Variants in DUXB observed in about 807,000 individuals in gnomAD.
The protein encoded by DUXB is double homeobox protein B.
DUXB carries 22 observed loss-of-function variants against 8.9 expected under a neutral mutation model. The observed-to-expected ratio is 2.46, with a 90% CI of 1.76 to 3.52. DUXB has a LOEUF of 3.52. Ranked by LOEUF, DUXB falls within the 30% of genes most tolerant of loss-of-function variation. DUXB has a pLI of 0.00. For missense variants in DUXB, 237 were observed against 108.7 expected, an observed-to-expected ratio of 2.18 and a Z score of -5.25; for synonymous variants, 84 against 37.6, an observed-to-expected ratio of 2.23 and a Z score of -4.52.
chr16:75,700,510 T>G (rs1959204012), intron 1 of DUXB, among the ~76,000 whole-genome samples: 1 of 151,732 alleles, frequency 6.6e-6, no homozygotes, highest in Non-Finnish European at 1.5e-5. Flanking sequence ...TAATTATTAT[T>G]ATTATTATTA....
Position 75,694,579 on chromosome 16 carries a change from T to C in DUXB, c.442-54A>G. The C allele has an allele frequency of 3.4e-5, 24 of 701,222 alleles. No individual in the cohort carries two copies. In the South Asian group the frequency reaches 3.6e-4, roughly 10 times the overall value. The allele number at this position is 701,222 out of a possible 1,614,324, so 43.4% of individuals were successfully genotyped here. ...CATAAGACATAAGCAATTGTAACTC[T>C]GCATCAGATACTCTATAAAACAAAG... On this transcript the variant is annotated intron_variant, in intron 4 of 4. Transcript: ENST00000633875.
Position 75,695,969 on chromosome 16 carries a change from T to C in DUXB, c.433A>G (p.Arg145Gly). 1 of 703,046 alleles carries C rather than the reference T, an allele frequency of 1.4e-6. No homozygotes were observed. The highest frequency in any genetic ancestry group is 2.6e-6 in the Non-Finnish European group (1 of 385,010). The allele number at this position is 703,046 out of a possible 1,614,324, so 43.6% of individuals were successfully genotyped here. Residue 145 changes from arginine (R) to glycine (G), a missense_variant, in exon 4 of 5, where the codon AGA (arginine) becomes GGA (glycine). Coordinates refer to ENST00000633875, the MANE Select transcript of DUXB (RefSeq NM_001351307.2). ...ACACACATAGAACTTACTTGAATTC[T>C]TGATTCCTGCAGGCCTGTTTGTTCA... ...LAEQTGLQES[R>G]IQMWFQKQRS...
chr16:75,696,867 C>A lies in DUXB; in HGVS notation c.257G>T (p.Gly86Val). 1.4e-6 allele frequency: 1 copy of A among 702,722 alleles called. No homozygotes were observed. Among genetic ancestry groups the A allele is most frequent in the Non-Finnish European group, 2.6e-6 (1 of 384,974 alleles). 43.5% of individuals were successfully genotyped at this position (702,722 alleles called of 1,614,324 possible). Reference sequence around the variant, plus strand: ...AGTCAGATGCTGGGACTGGTCATGCCCCTGGGTTTGATCTTTTTCTGAGAA... The same window carrying A: ...AGTCAGATGCTGGGACTGGTCATGCACCTGGGTTTGATCTTTTTCTGAGAA... ...KCFSEKDQTQ[G>V]HDQSQHLTQE... The change falls in exon 3 of 5, where the codon GGG becomes GTG. Residue 86 changes from glycine to valine, a missense_variant. Transcript: ENST00000633875.
In DUXB at chr16:75,693,938, C is replaced by A. The variant is rs1321298719; in HGVS notation, c.1029G>T (p.Gly343=). 1.3e-5 allele frequency: 5 copies of A among 399,530 alleles called. No individual in the cohort carries two copies. Among genetic ancestry groups the A allele is most frequent in the Non-Finnish European group, 2.2e-5 (5 of 227,030 alleles). The allele number at this position is 399,530 out of a possible 1,614,324, so 24.7% of individuals were successfully genotyped here. A position where few individuals can be genotyped will look rare whatever the true frequency, so the allele number is the denominator to read the frequency against. ...CTGCCACAAGTCTGTCTCAGTGTGT[C>A]CCTTTGAGAGGGTCCCATTCAGCAA... ...ALLAEWDPLK[G]TH is the part of the protein sequence containing the mutation. The change falls in exon 5 of 5, where the codon GGG becomes GGT. Residue 343 remains glycine, a synonymous_variant. Coordinates refer to ENST00000633875, the MANE Select transcript of DUXB (RefSeq NM_001351307.2).
intron 2 of DUXB, chr16:75,698,911 A>G (rs1959197065): frequency 6.6e-6 from 1 of 152,200 alleles, no homozygotes; most frequent in Non-Finnish European, 1.5e-5. Context: ...TGGTGCAATC[A>G]CGGCTTACTG....
At chr16:75,697,674 TATATC>T (rs779224230) in intron 2 of DUXB, among the ~76,000 whole-genome samples, 2 of 152,212 alleles carry the variant, frequency 1.3e-5, no homozygotes, top group Non-Finnish European at 1.5e-5. Flanking sequence ...AAACCACTCT[TATATC>T]ATAGGCATTG....
intron 2 of DUXB, among the ~76,000 whole-genome samples, chr16:75,699,178 C>T (rs1039254413): frequency 3.3e-5 from 5 of 152,144 alleles, no homozygotes; most frequent in African/African-American, 1.2e-4. Context: ...AGAGATTTAA[C>T]TTAAGTTTCA....
At chr16:75,700,501 A>AATTATT (rs371898614) in intron 1 of DUXB, among the ~76,000 whole-genome samples, 12 of 150,288 alleles carry the variant, frequency 8.0e-5, no homozygotes, top group African/African-American at 2.9e-4. Context: ...CCATTTTGTT[A>AATTATT]ATTATTATTA....
rs542598317 is a variant in DUXB at position 75,694,391 on chromosome 16, T to C, written c.576A>G (p.Thr192=). 45 of 689,898 alleles carry C rather than the reference T, an allele frequency of 6.5e-5. 1 individual carries two copies. In the East Asian group the frequency reaches 8.1e-4, roughly 12 times the overall value. 42.7% of individuals were successfully genotyped at this position (689,898 alleles called of 1,614,324 possible). A position where few individuals can be genotyped will look rare whatever the true frequency, so the allele number is the denominator to read the frequency against. Residue 192 remains threonine, a synonymous_variant, in exon 5 of 5, where the codon ACA becomes ACG. Coordinates refer to ENST00000633875, the MANE Select transcript of DUXB (RefSeq NM_001351307.2). The part of the protein sequence containing the change: ...GWHPINLFLP[T]DSSHYFSCSH... ...AGCAAGAAAAATAATGAGAGCTGTC[T>C]GTGGGGAGGAACAGGTTGATTGGAT... is the stretch of plus-strand genomic sequence containing the variant.
In DUXB at chr16:75,698,058, T is replaced by G. The variant is rs148961441; in HGVS notation, c.181-1115A>C. On this transcript the variant is annotated intron_variant, in intron 2 of 4. Transcript: ENST00000633875. ...GAGACCGCTATGCTAAAAGGTTATA[T>G]CTCTTCTCTAAATTAATGAATCAGA... Among the ~76,000 whole-genome samples the G allele has an allele frequency of 4.4e-4, 67 of 152,322 alleles. 1 individual carries two copies. In the East Asian group the frequency reaches 0.012, roughly 28 times the overall value.
At chr16:75,697,613 T>A (rs1245870903) in intron 2 of DUXB, among the ~76,000 whole-genome samples, 1 of 152,234 alleles carries the variant, frequency 6.6e-6, no homozygotes, top group Non-Finnish European at 1.5e-5. Flanking sequence ...ATTTTGATAA[T>A]TAGATCATTC....
chr16:75,697,149 C>A (rs4887835), intron 2 of DUXB, among the ~76,000 whole-genome samples: 1 of 152,034 alleles, frequency 6.6e-6, no homozygotes, highest in Admixed American at 6.6e-5. Flanking sequence ...ATCAAAGGAG[C>A]TTTTCTTTCA....
At chr16:75,701,074 A>G (rs1012871542) in intron 1 of DUXB, among the ~76,000 whole-genome samples, 31 of 152,178 alleles carry the variant, frequency 2.0e-4, no homozygotes, top group African/African-American at 7.2e-4. Flanking sequence ...TCTAATGACA[A>G]AGAATATATC....
chr16:75,693,928 C>A lies in DUXB; in HGVS notation c.*1G>T. 2.5e-6 allele frequency: 1 copy of A among 399,466 alleles called. No homozygotes were observed. The highest frequency in any genetic ancestry group is 2.1e-5 in the African/African-American group (1 of 48,738). The allele number at this position is 399,466 out of a possible 1,614,324, so 24.7% of individuals were successfully genotyped here. On this transcript the variant is annotated 3_prime_UTR_variant, in exon 5 of 5. Transcript: ENST00000633875. ...GTGCCTACTGCTGCCACAAGTCTGT[C>A]TCAGTGTGTCCCTTTGAGAGGGTCC...
chr16:75,701,257 T>A, intron 1 of DUXB, 137 bp downstream of exon 1: 1 of 396,952 alleles, frequency 2.5e-6, no homozygotes, highest in Non-Finnish European at 4.4e-6. Context: ...TGACACAATT[T>A]ATCAGCGAAA....
At chr16:75,698,203 A>G (rs993773615) in intron 2 of DUXB, among the ~76,000 whole-genome samples, 1 of 152,230 alleles carries the variant, frequency 6.6e-6, no homozygotes, top group African/African-American at 2.4e-5. Flanking sequence ...CATTTTCACC[A>G]TGATTCCAAG....
In DUXB at chr16:75,700,159, T is replaced by C. The variant is rs941966556; in HGVS notation, c.36A>G (p.Gln12=). ...GAATTCTGTTTCTCCAGAATTCTTTTTGAAGTATGCCTGATGAACAGAAAA... is the reference window on the plus strand; with the variant it reads ...GAATTCTGTTTCTCCAGAATTCTTTCTGAAGTATGCCTGATGAACAGAAAA... ...NLEGTSGGIL[Q]KEFWRNRIQY... is the part of the protein sequence containing the mutation. Residue 12 remains glutamine, a synonymous_variant, in exon 2 of 5, where the codon CAA becomes CAG. Transcript: ENST00000633875. 2 of 702,126 alleles carry C rather than the reference T, an allele frequency of 2.8e-6. No individual in the cohort carries two copies. Among genetic ancestry groups the C allele is most frequent in the Non-Finnish European group, 2.6e-6 (1 of 384,700 alleles). 43.5% of individuals were successfully genotyped at this position (702,126 alleles called of 1,614,324 possible).
At chr16:75,697,358 G>A (rs954573118) in intron 2 of DUXB, among the ~76,000 whole-genome samples, 8 of 152,108 alleles carry the variant, frequency 5.3e-5, no homozygotes, top group Non-Finnish European at 7.4e-5. Context: ...GGAATTAATT[G>A]CACAAAAATT....
At chr16:75,699,630 G>A (rs1006251042) in intron 2 of DUXB, among the ~76,000 whole-genome samples, 1 of 147,020 alleles carries the variant, frequency 6.8e-6, no homozygotes. Flanking sequence ...TGTGATCTCT[G>A]CTCACTGCAA....
Sources: allele counts gnomAD v4.1 joint callset (sites outside exome capture counted in the v4.1 genomes callset), GRCh38; gene constraint gnomAD v4.1.1; transcripts MANE v1.5; gene names NCBI Gene and HGNC (gene_info 2026-07-23, HGNC 2026-07-21).